The following DHX30 variants were observed in gnomAD, a reference collection of about 807,000 sequenced individuals.
DHX30 encodes ATP-dependent RNA helicase DHX30.
In DHX30, 4 loss-of-function variants were observed where a neutral mutation model predicts 116.9. That is an observed-to-expected ratio of 0.03 (90% CI 0.02 to 0.08). The LOEUF (loss-of-function observed/expected upper bound fraction) is 0.08, where lower values mean the gene tolerates loss of function less well. Among genes scored for constraint, DHX30 ranks in the 10% least tolerant of loss-of-function variants. The pLI, the probability that DHX30 is intolerant of heterozygous loss-of-function variation, is 1.00. For synonymous variants in DHX30, 697 were observed against 651.7 expected (o/e 1.07, Z -1.06); for missense variants, 871 against 1,595.1 (o/e 0.55, Z 7.73).
At chr3:47,812,165 T>A (rs1252082036) in intron 3 of DHX30, among the ~76,000 whole-genome samples, 1 of 148,030 alleles carries the variant, frequency 6.8e-6, no homozygotes, top group African/African-American at 2.5e-5. Flanking sequence ...GGAGACGGGT[T>A]GCAGTGAGCT....
At chr3:47,842,418 A>C (rs770232451) in intron 8 of DHX30, 2 of 152,406 alleles carry the variant, frequency 1.3e-5, no homozygotes, top group Non-Finnish European at 2.9e-5. Flanking sequence ...TCTAATTATA[A>C]TGAAAGATTT....
chr3:47,845,930 G>A, intron 10 of DHX30, 78 bp downstream of exon 10: 1 of 1,526,550 alleles, frequency 6.6e-7, no homozygotes, highest in Non-Finnish European at 8.8e-7. Context: ...GCCTCCACCT[G>A]CGACAGGCAG....
At chr3:47,816,437 A>G in intron 3 of DHX30, 4 of 976,290 alleles carry the variant, frequency 4.1e-6, no homozygotes, top group South Asian at 9.5e-5. Context: ...GGCTCACTGC[A>G]TCCTCCGCCT....
chr3:47,831,207 G>C (rs1472332567), intron 6 of DHX30: 1 of 152,044 alleles, frequency 6.6e-6, no homozygotes, highest in Non-Finnish European at 1.5e-5. Context: ...CTTCTGGTGA[G>C]GCCTCAGGAA....
At chr3:47,808,845 G>A (rs2035651750) in intron 2 of DHX30, among the ~76,000 whole-genome samples, 1 of 151,628 alleles carries the variant, frequency 6.6e-6, no homozygotes, top group South Asian at 2.1e-4. Flanking sequence ...CCAAAGTGCT[G>A]GGATTACAGG....
Position 47,845,868 on chromosome 3 carries a change from T to TC in DHX30, c.1092+19dup, listed in dbSNP as rs1427323411. ...CCTGAACCATGTAAGAGGCCCTGCA[T>TC]CCCTCACCACCCCTGCTCCCTGTAG... On this transcript the variant is annotated intron_variant, in intron 10 of 21. Transcript: ENST00000445061. 1.9e-6 allele frequency: 3 copies of TC among 1,589,920 alleles called. No individual in the cohort carries two copies. In the Admixed American group the frequency reaches 5.1e-5, roughly 27 times the overall value.
chr3:47,841,832 T>C lies in DHX30; in HGVS notation c.789+95T>C, dbSNP rs537619406. ...AGGTTTAGAGAGGGCTGAGGGGGTG[T>C]GTTCCTCCAGCCCAAACCTAGGCCA... is the stretch of plus-strand genomic sequence containing the variant. On this transcript the variant is annotated intron_variant, in intron 8 of 21. Coordinates refer to ENST00000445061, the MANE Select transcript of DHX30 (RefSeq NM_138615.3). The C allele has an allele frequency of 1.9e-4, 301 of 1,564,720 alleles. No homozygotes were observed. In the South Asian group the frequency reaches 3.2e-3, roughly 17 times the overall value.
intron 7 of DHX30, 126 bp from the exon 8 acceptor site, chr3:47,841,491 A>G (rs1267279226): frequency 1.5e-6 from 2 of 1,355,280 alleles, no homozygotes; most frequent in Non-Finnish European, 2.0e-6. Flanking sequence ...TTTCCCATCC[A>G]TTTCATGCCT....
At chr3:47,836,373 C>G (rs2037116172) in intron 6 of DHX30, among the ~76,000 whole-genome samples, 1 of 152,020 alleles carries the variant, frequency 6.6e-6, no homozygotes. Flanking sequence ...CTTAGGTGAT[C>G]CGCCTGCCTC....
chr3:47,839,574 G>A (rs1576505735), intron 6 of DHX30, among the ~76,000 whole-genome samples: 1 of 152,040 alleles, frequency 6.6e-6, no homozygotes, highest in Non-Finnish European at 1.5e-5. Context: ...GATTACATGC[G>A]TGAGCCACCG....
At chr3:47,815,724 A>G (rs2036019410) in intron 3 of DHX30, among the ~76,000 whole-genome samples, 1 of 18,734 alleles carries the variant, frequency 5.3e-5, no homozygotes, top group Non-Finnish European at 1.1e-4. Flanking sequence ...AAAAAAGAGC[A>G]AAAAAAAAAA....
rs760866272 is a variant in DHX30 at position 47,846,810 on chromosome 3, C to T, written c.1738C>T (p.Arg580Trp). The stretch of plus-strand genomic sequence containing the variant: ...GCTGATCCTGCTCAAGGGCCTGCAG[C>T]GGCTCAACCCGGCCCTGCGGCTGGT... ...FLLILLKGLQ[R>W]LNPALRLVLM... Residue 580 changes from arginine (R) to tryptophan (W), a missense_variant, in exon 11 of 22, where the codon CGG becomes TGG. Arg to Trp is a moderately radical substitution (Grantham distance 101). This residue lies in a region of DHX30 where 22 missense variants were observed against 18.8 expected (regional missense o/e 1.17). Transcript: ENST00000445061. The T allele has an allele frequency of 7.4e-6, 12 of 1,612,988 alleles. No individual in the cohort carries two copies. The East Asian group carries it at 8.9e-5, about 12-fold the overall frequency.
intron 3 of DHX30, chr3:47,816,548 G>A: frequency 2.1e-6 from 2 of 939,256 alleles, no homozygotes; most frequent in Non-Finnish European, 2.5e-6. Context: ...AGTAGAGACG[G>A]GGTTTCACCA....
rs946813927 is a variant in DHX30 at position 47,838,176 on chromosome 3, C to T, written c.367-2701C>T. 1.2e-4 allele frequency among the ~76,000 whole-genome samples: 18 copies of T among 152,278 alleles called. 1 individual carries two copies. Among genetic ancestry groups the T allele is most frequent in the Admixed American group, 7.2e-4 (11 of 15,292 alleles). On this transcript the variant is annotated intron_variant, in intron 6 of 21. Transcript: ENST00000445061. ...AGCTGAGCCTTGGATCGGGCCCTGC[C>T]CCAAGGGTTCGCGAATGTGTGTGTG...
chr3:47,818,183 G>A, intron 4 of DHX30, 66 bp downstream of exon 4: 1 of 738,934 alleles, frequency 1.4e-6, no homozygotes. Context: ...GGGTGGCAAT[G>A]GGAGCCCTGG....
intron 9 of DHX30, 118 bp downstream of exon 9, chr3:47,843,373 G>A (rs1353348995): frequency 4.2e-5 from 58 of 1,395,582 alleles, no homozygotes; most frequent in Non-Finnish European, 5.5e-5. Context: ...CCTTTTGCCT[G>A]GCACAAAGAC....
At chr3:47,838,684 C>A (rs1019180285) in intron 6 of DHX30, among the ~76,000 whole-genome samples, 2 of 152,200 alleles carry the variant, frequency 1.3e-5, no homozygotes, top group African/African-American at 4.8e-5. Context: ...CTGATGTTCA[C>A]CTGACAGGCC....
intron 3 of DHX30, chr3:47,816,599 G>A (rs776630349): frequency 3.1e-5 from 30 of 980,690 alleles, no homozygotes; most frequent in South Asian, 4.7e-5. Flanking sequence ...CTTGTGATCC[G>A]CTGGCCTCAG....
Position 47,850,094 on chromosome 3 carries a change from G to T in DHX30, c.3559G>T (p.Asp1187Tyr). ...GCTGCGAGGACCCTGTGGCAGCTTTGATGTGCGCAAGACAGCTGACGACTG... is the reference window on the plus strand; with the variant it reads ...GCTGCGAGGACCCTGTGGCAGCTTTTATGTGCGCAAGACAGCTGACGACTG... ...ELLRGPCGSF[D>Y]VRKTADD is the part of the protein sequence containing the mutation. Residue 1187 changes from aspartate (D) to tyrosine (Y), a missense_variant, in exon 22 of 22, where the codon GAT becomes TAT. Physicochemically the swap from Asp to Tyr is radical, Grantham distance 160. This residue lies in a region of DHX30 where 52 missense variants were observed against 50.1 expected (regional missense o/e 1.04). Transcript: ENST00000445061. 6.3e-7 allele frequency: 1 copy of T among 1,595,924 alleles called. No individual in the cohort carries two copies. The highest frequency in any genetic ancestry group is 1.1e-5 in the South Asian group (1 of 89,178).
Sources: allele counts gnomAD v4.1 joint callset (sites outside exome capture counted in the v4.1 genomes callset), GRCh38; gene constraint gnomAD v4.1.1; regional missense constraint gnomAD v4.1.1; transcripts MANE v1.5; gene names NCBI Gene and HGNC (gene_info 2026-07-23, HGNC 2026-07-21).